The following ENPEP variants were observed in gnomAD, a reference collection of about 807,000 sequenced individuals.
The protein encoded by ENPEP is glutamyl aminopeptidase, also known as AP-A.
ENPEP carries 103 observed loss-of-function variants against 114.5 expected under a neutral mutation model. That is an observed-to-expected ratio of 0.90 (90% CI 0.77 to 1.06). The LOEUF (loss-of-function observed/expected upper bound fraction) is 1.06. ENPEP is among the 50% of genes least tolerant of loss of function. ENPEP has a pLI of 0.00. For synonymous variants in ENPEP, 420 were observed against 422.0 expected, an observed-to-expected ratio of 1.00 and a Z score of 0.06; for missense variants, 1,196 against 1,161.3, an observed-to-expected ratio of 1.03 and a Z score of -0.43.
intron 1 of ENPEP, among the ~76,000 whole-genome samples, chr4:110,480,517 G>A (rs1378819559): frequency 6.6e-6 from 1 of 152,144 alleles, no homozygotes; most frequent in Non-Finnish European, 1.5e-5. Flanking sequence ...GAAGTACGGA[G>A]TCAAAATTAT....
chr4:110,565,222 T>C lies in ENPEP; in HGVS notation c.*3664T>C, dbSNP rs201974804. ...TCAAAAGGAGAATAATAGTTCATGA[T>C]GTAAAAATTATATAAAATTTAAATA... On this transcript the variant is annotated 3_prime_UTR_variant, in exon 20 of 20. Transcript: ENST00000265162. The C allele has an allele frequency of 3.3e-5, 5 of 152,344 alleles. No individual in the cohort carries two copies. The South Asian group carries it at 1.0e-3, about 32-fold the overall frequency. 9.4% of individuals were successfully genotyped at this position (152,344 alleles called of 1,614,324 possible). A position where few individuals can be genotyped will look rare whatever the true frequency, so the allele number is the denominator to read the frequency against.
At chr4:110,525,714 G>C (rs891595773) in intron 10 of ENPEP, among the ~76,000 whole-genome samples, 1 of 152,072 alleles carries the variant, frequency 6.6e-6, no homozygotes, top group East Asian at 1.9e-4. Context: ...TAGCAAATTA[G>C]GTTGGCCAAC....
intron 3 of ENPEP, among the ~76,000 whole-genome samples, chr4:110,494,433 T>C (rs1014884640): frequency 6.6e-6 from 1 of 152,248 alleles, no homozygotes; most frequent in African/African-American, 2.4e-5. Context: ...GTGACTATTC[T>C]TATCCATTCT....
intron 1 of ENPEP, among the ~76,000 whole-genome samples, chr4:110,485,156 A>T (rs1724457182): frequency 6.6e-6 from 1 of 152,206 alleles, no homozygotes; most frequent in South Asian, 2.1e-4. Flanking sequence ...AGGCTTTTTT[A>T]GAGTCTGATA....
rs957087963 is a variant in ENPEP, at chr4:110,563,674, C to A, written c.*2116C>A. 7 of 151,872 alleles carry A rather than the reference C, an allele frequency of 4.6e-5. No homozygotes were observed. Among genetic ancestry groups the A allele is most frequent in the African/African-American group, 1.7e-4 (7 of 41,326 alleles). The allele number at this position is 151,872 out of a possible 1,614,324, so 9.4% of individuals were successfully genotyped here. A position where few individuals can be genotyped will look rare whatever the true frequency, so the allele number is the denominator to read the frequency against. On this transcript the variant is annotated 3_prime_UTR_variant, in exon 20 of 20. Coordinates refer to ENST00000265162, the MANE Select transcript of ENPEP (RefSeq NM_001977.4). ...TTAATTTTAATTGAAAAAAAGTAAC[C>A]ATTTAATTTCAAGAATTAACTGGAA...
intron 9 of ENPEP, 21 bp from the exon 10 acceptor site, chr4:110,520,194 C>T (rs367712724): frequency 1.2e-6 from 2 of 1,609,036 alleles, no homozygotes; most frequent in Non-Finnish European, 1.7e-6. Flanking sequence ...TAATTAATCT[C>T]CATTTTGTTT....
chr4:110,512,977 C>A, intron 6 of ENPEP: 1 of 153,352 alleles, frequency 6.5e-6, no homozygotes, highest in Non-Finnish European at 1.5e-5. Context: ...ATGAAGTATC[C>A]AAATTCCAAT....
Position 110,553,322 on chromosome 4 carries a change from G to A in ENPEP, c.2509G>A (p.Asp837Asn), listed in dbSNP as rs1274138558. 1.3e-6 allele frequency: 2 copies of A among 1,583,662 alleles called. No individual in the cohort carries two copies. Among genetic ancestry groups the A allele is most frequent in the Non-Finnish European group, 1.7e-6 (2 of 1,160,662 alleles). Residue 837 changes from aspartate to asparagine, a missense_variant, in exon 18 of 20, where the codon GAT (aspartate) becomes AAT (asparagine). Coordinates refer to ENST00000265162, the MANE Select transcript of ENPEP (RefSeq NM_001977.4). Reference sequence around the variant, plus strand: ...CTGTTTGGCTTCTCTTAGGTATTTGGATTTGCTCAAGGACACGAACCTTAT... The same window carrying A: ...CTGTTTGGCTTCTCTTAGGTATTTGAATTTGCTCAAGGACACGAACCTTAT... Reference protein sequence around the residue: ...KNVTLLSRYLDLLKDTNLIKT... With the variant: ...KNVTLLSRYLNLLKDTNLIKT...
At chr4:110,504,254 C>CTGGTGATGAGCAGGGG (rs1463200825) in intron 3 of ENPEP, among the ~76,000 whole-genome samples, 2 of 152,166 alleles carry the variant, frequency 1.3e-5, no homozygotes, top group Non-Finnish European at 2.9e-5. Flanking sequence ...AAGGGCCTGC[C>CTGGTGATGAGCAGGGG]TGGTGATGAG....
intron 18 of ENPEP, among the ~76,000 whole-genome samples, chr4:110,557,303 G>A (rs948618601): frequency 6.6e-6 from 1 of 152,178 alleles, no homozygotes; most frequent in Non-Finnish European, 1.5e-5. Context: ...CTGAAGTCGA[G>A]TGAAGAAAAT....
rs141934497 is a variant in ENPEP at position 110,492,712 on chromosome 4, A to C, written c.918+1548A>C. ...AAAAGGAAATGGCATCAGAAATAGG[A>C]AGTTGTTTTTTCTAGATTGTGCTGA... On this transcript the variant is annotated intron_variant, in intron 3 of 19. Transcript: ENST00000265162. Among the ~76,000 whole-genome samples the C allele has an allele frequency of 1.7e-4, 26 of 152,254 alleles. No homozygotes were observed. In the East Asian group the frequency reaches 4.8e-3, roughly 28 times the overall value.
intron 18 of ENPEP, among the ~76,000 whole-genome samples, chr4:110,558,032 A>ATTTTTTTTTTTTT (rs201439917): frequency 5.3e-4 from 55 of 103,194 alleles, no homozygotes; most frequent in Middle Eastern, 5.3e-3. Flanking sequence ...ATATGGTAGG[A>ATTTTTTTTTTTTT]TTTTTTTTTT....
At position 110,531,289 on chromosome 4, in the gene ENPEP, T is replaced by C; in HGVS notation, c.1807+12T>C. The C allele has an allele frequency of 7.2e-7, 1 of 1,397,536 alleles. No homozygotes were observed. Among genetic ancestry groups the C allele is most frequent in the Non-Finnish European group, 9.6e-7 (1 of 1,046,156 alleles). The allele number at this position is 1,397,536 out of a possible 1,614,324, so 86.6% of individuals were successfully genotyped here. On this transcript the variant is annotated intron_variant, in intron 11 of 19. Coordinates refer to ENST00000265162, the MANE Select transcript of ENPEP (RefSeq NM_001977.4). ...GTCAGAAAAAGAAGGTAAATATTATTAATTGATTTATTTCTTCTTTGAATT... is the reference window on the plus strand; with the variant it reads ...GTCAGAAAAAGAAGGTAAATATTATCAATTGATTTATTTCTTCTTTGAATT...
chr4:110,523,917 A>G (rs1278108104), intron 10 of ENPEP, among the ~76,000 whole-genome samples: 3 of 152,188 alleles, frequency 2.0e-5, no homozygotes, highest in South Asian at 2.1e-4. Context: ...TTTTGCCCAT[A>G]TGAAAACTGG....
chr4:110,492,368 A>T (rs2078407881), intron 3 of ENPEP, among the ~76,000 whole-genome samples: 2 of 152,192 alleles, frequency 1.3e-5, no homozygotes, highest in African/African-American at 4.8e-5. Context: ...TTCTGAAAAT[A>T]TCTTTACCTC....
At chr4:110,493,823 A>T (rs1724816592) in intron 3 of ENPEP, among the ~76,000 whole-genome samples, 1 of 152,192 alleles carries the variant, frequency 6.6e-6, no homozygotes, top group African/African-American at 2.4e-5. Context: ...ACTTAAATCT[A>T]TTGAAATGTA....
At chr4:110,539,479 T>C (rs537923384) in intron 11 of ENPEP, among the ~76,000 whole-genome samples, 4 of 152,350 alleles carry the variant, frequency 2.6e-5, no homozygotes, top group African/African-American at 9.6e-5. Flanking sequence ...TGCATTCTAC[T>C]TGAAACTTTT....
chr4:110,487,235 G>A (rs982009876), intron 1 of ENPEP, among the ~76,000 whole-genome samples: 1 of 152,240 alleles, frequency 6.6e-6, no homozygotes, highest in Admixed American at 6.5e-5. Context: ...TAATTTGTTA[G>A]TCCTGCAAAG....
chr4:110,532,273 C>G (rs1726435977), intron 11 of ENPEP, among the ~76,000 whole-genome samples: 1 of 152,180 alleles, frequency 6.6e-6, no homozygotes. Context: ...TGCAGCCTCC[C>G]ATATGCCCAG....
Sources: gnomAD v4.1 joint callset for allele counts (sites outside exome capture counted in the v4.1 genomes callset) on GRCh38, gnomAD v4.1.1 for gene constraint, MANE v1.5 for transcripts, NCBI Gene and HGNC (gene_info 2026-07-23, HGNC 2026-07-21) for gene names.